Variants in ZNF385D observed in about 807,000 individuals in gnomAD.
ZNF385D encodes zinc finger protein 385D, also known as zinc finger protein 659.
In ZNF385D, 15 loss-of-function variants were observed where a neutral mutation model predicts 35.8. That is an observed-to-expected ratio of 0.42 (90% confidence interval 0.28 to 0.64). The LOEUF is 0.64. Among genes scored for constraint, ZNF385D ranks in the 30% least tolerant of loss-of-function variants. The pLI, the probability that ZNF385D is intolerant of heterozygous loss-of-function variation, is 0.23. For synonymous variants in ZNF385D, 212 were observed against 186.8 expected (o/e 1.13, Z -1.10); for missense variants, 474 against 494.6 (o/e 0.96, Z 0.39).
chr3:21,996,156 C>T lies in ZNF385D; in HGVS notation c.325+172661G>A, dbSNP rs564028378. Reference sequence around the variant, plus strand: ...TGGGACTCAGCGTGTGTATGGGACCCAGCACAAACTACCTCTCCAGAATAA... The same window carrying T: ...TGGGACTCAGCGTGTGTATGGGACCTAGCACAAACTACCTCTCCAGAATAA... On this transcript the variant is annotated intron_variant, in intron 3 of 5. Coordinates refer to the ZNF385D transcript ENST00000494108. Among the ~76,000 whole-genome samples the T allele has an allele frequency of 7.9e-5, 12 of 152,204 alleles. No individual in the cohort carries two copies. In the South Asian group the frequency reaches 2.3e-3, roughly 29 times the overall value.
chr3:21,821,754 A>G (rs1694246510), intron 3 of ZNF385D, among the ~76,000 whole-genome samples: 1 of 152,062 alleles, frequency 6.6e-6, no homozygotes, highest in South Asian at 2.1e-4. Context: ...TCAGCTCAGG[A>G]GTTCGAGACC....
chr3:21,826,597 G>C (rs996682729), intron 3 of ZNF385D, among the ~76,000 whole-genome samples: 1 of 152,090 alleles, frequency 6.6e-6, no homozygotes, highest in African/African-American at 2.4e-5. Flanking sequence ...CGTTCACACA[G>C]ACAGGAAAAG....
intron 3 of ZNF385D, among the ~76,000 whole-genome samples, chr3:21,526,512 G>A (rs117072533): frequency 0.025 from 3,756 of 152,224 alleles, 194 homozygotes; most frequent in East Asian, 0.14. Flanking sequence ...AGTGGTGCAA[G>A]AAGAGGAGAT....
intron 3 of ZNF385D, among the ~76,000 whole-genome samples, chr3:21,940,757 G>T (rs627323): frequency 0.26 from 40,026 of 152,068 alleles, 5,982 homozygotes; most frequent in Admixed American, 0.41. Context: ...ATATACAGTG[G>T]TCAGGGAGGT....
intron 3 of ZNF385D, among the ~76,000 whole-genome samples, chr3:21,823,228 T>G (rs1193573310): frequency 2.6e-5 from 4 of 152,216 alleles, no homozygotes; most frequent in African/African-American, 7.2e-5. Flanking sequence ...CATCTTACTT[T>G]ATGTAGTTGG....
intron 3 of ZNF385D, among the ~76,000 whole-genome samples, chr3:21,759,594 C>T (rs2070508746): frequency 1.3e-5 from 2 of 152,102 alleles, no homozygotes; most frequent in Admixed American, 1.3e-4. Flanking sequence ...TGAGTTAATA[C>T]ATCTTGTGTA....
chr3:21,518,017 C>T (rs890649169), intron 3 of ZNF385D, among the ~76,000 whole-genome samples: 11 of 152,148 alleles, frequency 7.2e-5, no homozygotes, highest in Non-Finnish European at 1.3e-4. Context: ...GTAATGGGTA[C>T]TTTACAAGCC....
chr3:22,132,346 C>T (rs1389403518), intron 3 of ZNF385D, among the ~76,000 whole-genome samples: 1 of 152,116 alleles, frequency 6.6e-6, no homozygotes, highest in Non-Finnish European at 1.5e-5. Flanking sequence ...TGCTGGTGTT[C>T]TAATTTTGGA....
chr3:22,294,092 T>TTCA (rs1702445251), intron 2 of ZNF385D, among the ~76,000 whole-genome samples: 1 of 152,000 alleles, frequency 6.6e-6, no homozygotes, highest in Non-Finnish European at 1.5e-5. Flanking sequence ...GAATGTTGAA[T>TTCA]ACATAATGAT....
intron 2 of ZNF385D, among the ~76,000 whole-genome samples, chr3:22,294,307 T>C (rs1432292752): frequency 6.6e-6 from 1 of 152,086 alleles, no homozygotes; most frequent in Non-Finnish European, 1.5e-5. Flanking sequence ...GGTGCCTCTT[T>C]GTACAACTTC....
At chr3:22,174,863 G>A (rs1315086411) in intron 2 of ZNF385D, among the ~76,000 whole-genome samples, 3 of 151,870 alleles carry the variant, frequency 2.0e-5, no homozygotes, top group Admixed American at 6.6e-5. Context: ...GAACACAACA[G>A]GTGACAGATT....
At chr3:22,346,556 A>T (rs1182809832) in intron 2 of ZNF385D, among the ~76,000 whole-genome samples, 1 of 152,248 alleles carries the variant, frequency 6.6e-6, no homozygotes, top group African/African-American at 2.4e-5. Flanking sequence ...CTAAAGTTTA[A>T]TGGGTGTAAA....
chr3:22,179,095 A>C (rs1334846453), intron 2 of ZNF385D, among the ~76,000 whole-genome samples: 2 of 152,076 alleles, frequency 1.3e-5, no homozygotes, highest in Non-Finnish European at 2.9e-5. Context: ...TATGAACTTT[A>C]AAGTAGTTTT....
chr3:22,216,168 T>C (rs1469075153), intron 2 of ZNF385D, among the ~76,000 whole-genome samples: 3 of 152,232 alleles, frequency 2.0e-5, no homozygotes, highest in African/African-American at 7.2e-5. Flanking sequence ...AAAGTCTGAC[T>C]TTGATCACTT....
chr3:21,908,877 A>C (rs1431160498), intron 3 of ZNF385D, among the ~76,000 whole-genome samples: 3 of 152,118 alleles, frequency 2.0e-5, no homozygotes, highest in Non-Finnish European at 4.4e-5. Flanking sequence ...CAGCTGTTAA[A>C]AATGTTATAT....
intron 2 of ZNF385D, among the ~76,000 whole-genome samples, chr3:22,353,773 A>C (rs1204127332): frequency 6.6e-6 from 1 of 152,020 alleles, no homozygotes; most frequent in Admixed American, 6.6e-5. Flanking sequence ...TACCTCAGCC[A>C]CACTCTCATC....
intron 2 of ZNF385D, among the ~76,000 whole-genome samples, chr3:22,328,218 C>G (rs1443034592): frequency 6.6e-6 from 1 of 151,904 alleles, no homozygotes; most frequent in Non-Finnish European, 1.5e-5. Flanking sequence ...TCCACCCTCC[C>G]CTCACTTCAT....
In ZNF385D at chr3:22,282,421, T is replaced by C. The variant is rs375660355; in HGVS notation, c.106+90029A>G. 1.4e-3 allele frequency among the ~76,000 whole-genome samples: 207 copies of C among 152,222 alleles called. 5 individuals are homozygous for C. The South Asian group carries it at 0.04, about 30-fold the overall frequency. ...TTTTGCTGTTTCTTAGAGGTTTTGATAGGTTGTGTCACTATTATCATTTAG... is the reference window on the plus strand; with the variant it reads ...TTTTGCTGTTTCTTAGAGGTTTTGACAGGTTGTGTCACTATTATCATTTAG... On this transcript the variant is annotated intron_variant, in intron 2 of 5. Transcript: ENST00000494108.
At chr3:21,826,461 C>G (rs1244724488) in intron 3 of ZNF385D, among the ~76,000 whole-genome samples, 1 of 152,114 alleles carries the variant, frequency 6.6e-6, no homozygotes, top group Non-Finnish European at 1.5e-5. Context: ...TAAGGCAACA[C>G]AGAGGGTGAT....
Sources: gnomAD v4.1 joint callset for allele counts (sites outside exome capture counted in the v4.1 genomes callset) on GRCh38, gnomAD v4.1.1 for gene constraint, MANE v1.5 for transcripts, NCBI Gene and HGNC (gene_info 2026-07-23, HGNC 2026-07-21) for gene names.